LRP1B: variants seen among roughly 807,000 people sequenced by gnomAD.
LRP1B encodes the protein LDL receptor related protein 1B, also known as low-density lipoprotein receptor-related protein 1B.
Under a neutral mutation model 556.6 loss-of-function variants are expected in LRP1B, and 217 were observed. The ratio of observed to expected loss-of-function variants is 0.39; its 90% CI spans 0.35 to 0.44. LRP1B has a LOEUF of 0.44. Ranked by LOEUF, LRP1B falls within the 20% of genes least tolerant of loss-of-function variation. LRP1B has a pLI of 1.00. For missense variants in LRP1B, 5,053 were observed against 5,620.8 expected (o/e 0.90, Z 3.23); for synonymous variants, 2,047 against 1,865.8 (o/e 1.10, Z -2.50).
intron 33 of LRP1B, among the ~76,000 whole-genome samples, chr2:140,771,478 C>T (rs924145115): frequency 6.6e-6 from 1 of 152,056 alleles, no homozygotes; most frequent in Non-Finnish European, 1.5e-5. Flanking sequence ...TATATGTATT[C>T]AATTAATTTT....
chr2:141,413,718 C>CA (rs1304852120), intron 3 of LRP1B, among the ~76,000 whole-genome samples: 2 of 150,624 alleles, frequency 1.3e-5, no homozygotes, highest in African/African-American at 2.5e-5. Flanking sequence ...TATTATTGTA[C>CA]AAAAAATGCA....
intron 2 of LRP1B, among the ~76,000 whole-genome samples, chr2:141,781,468 C>G (rs541655604): frequency 1.3e-5 from 2 of 152,162 alleles, no homozygotes; most frequent in Admixed American, 1.3e-4. Context: ...CTTCTGTGGC[C>G]AAAATTGAAA....
In LRP1B at chr2:140,487,749, A is replaced by G. The variant is rs757788758; in HGVS notation, c.9121-10T>C. On this transcript the variant is annotated splice_polypyrimidine_tract_variant and intron_variant, in intron 57 of 90. Coordinates refer to ENST00000389484, the MANE Select transcript of LRP1B (RefSeq NM_018557.3). ...TAACATTGTTTAATCCCTGAAAATA[A>G]AAAAGACTATGTTGTCAATGATAGT... is the stretch of plus-strand genomic sequence containing the variant. The G allele has an allele frequency of 8.0e-6, 12 of 1,495,976 alleles. No individual in the cohort carries two copies. The African/African-American group carries it at 1.6e-4, about 19-fold the overall frequency. 92.7% of individuals were successfully genotyped at this position (1,495,976 alleles called of 1,614,324 possible). A position where few individuals can be genotyped will look rare whatever the true frequency, so the allele number is the denominator to read the frequency against.
At chr2:142,047,540 T>C (rs1704304367) in intron 1 of LRP1B, among the ~76,000 whole-genome samples, 1 of 151,890 alleles carries the variant, frequency 6.6e-6, no homozygotes, top group Admixed American at 6.6e-5. Flanking sequence ...TTTTTAAAGA[T>C]TTAATGTCAG....
intron 66 of LRP1B, among the ~76,000 whole-genome samples, chr2:140,402,556 A>G (rs545403838): frequency 6.6e-6 from 1 of 152,306 alleles, no homozygotes; most frequent in South Asian, 2.1e-4. Context: ...TCCTACAGAG[A>G]AAAAGAGGTG....
intron 2 of LRP1B, among the ~76,000 whole-genome samples, chr2:141,538,691 C>T (rs1259111036): frequency 6.7e-6 from 1 of 150,172 alleles, no homozygotes; most frequent in Non-Finnish European, 1.5e-5. Context: ...GGCTGGAGTG[C>T]AGCAGCACAA....
At chr2:140,471,359 G>C (rs1687759882) in intron 60 of LRP1B, among the ~76,000 whole-genome samples, 1 of 152,104 alleles carries the variant, frequency 6.6e-6, no homozygotes, top group Non-Finnish European at 1.5e-5. Context: ...CACCAAAATA[G>C]AGCATCATAA....
Position 140,868,341 on chromosome 2 carries a change from A to G in LRP1B, c.4170-78T>C, listed in dbSNP as rs1195258023. On this transcript the variant is annotated intron_variant, in intron 25 of 90. Coordinates refer to ENST00000389484, the MANE Select transcript of LRP1B (RefSeq NM_018557.3). Reference sequence around the variant, plus strand: ...CACAGATATTTATTGAGTGCCTACCATATGCTAGGCACTGGATAGGTGATA... The same window carrying G: ...CACAGATATTTATTGAGTGCCTACCGTATGCTAGGCACTGGATAGGTGATA... The G allele has an allele frequency of 3.0e-6, 4 of 1,331,970 alleles. No homozygotes were observed. In the East Asian group the frequency reaches 1.0e-4, roughly 34 times the overall value. The allele number at this position is 1,331,970 out of a possible 1,614,324, so 82.5% of individuals were successfully genotyped here.
intron 66 of LRP1B, among the ~76,000 whole-genome samples, chr2:140,436,236 A>T (rs1224877528): frequency 2.0e-5 from 3 of 152,180 alleles, no homozygotes; most frequent in Non-Finnish European, 4.4e-5. Context: ...TTTGTAGAAA[A>T]ATATACTTAT....
rs1054598295 is a variant in LRP1B at position 141,282,400 on chromosome 2, T to C, written c.344-27759A>G. Among the ~76,000 whole-genome samples, 6 of 151,442 alleles carry C rather than the reference T, an allele frequency of 4.0e-5. No homozygotes were observed. In the Admixed American group the frequency reaches 4.0e-4, roughly 10 times the overall value. The stretch of plus-strand genomic sequence containing the variant: ...CATAATTCATAATTTTTTAAAAAAA[T>C]CAATTATGATAAAAGTTCTATGAGC... On this transcript the variant is annotated intron_variant, in intron 3 of 90. Transcript: ENST00000389484.
chr2:141,676,604 T>C (rs563254172), intron 2 of LRP1B, among the ~76,000 whole-genome samples: 1 of 152,316 alleles, frequency 6.6e-6, no homozygotes, highest in South Asian at 2.1e-4. Flanking sequence ...AGCACATTGA[T>C]TTTTCTTTCT....
intron 20 of LRP1B, among the ~76,000 whole-genome samples, chr2:140,927,384 T>C (rs1045416452): frequency 1.3e-5 from 2 of 152,152 alleles, no homozygotes; most frequent in African/African-American, 2.4e-5. Context: ...ACGCACATGA[T>C]AAGTAGCAGA....
At chr2:140,233,480 T>A (rs1208197130) in intron 90 of LRP1B, among the ~76,000 whole-genome samples, 154 bp from the exon 91 acceptor site, 1 of 151,334 alleles carries the variant, frequency 6.6e-6, no homozygotes, top group African/African-American at 2.4e-5. Flanking sequence ...ATTTACATGT[T>A]ACATTTACAG....
At chr2:140,970,575 C>T (rs1696381488) in intron 18 of LRP1B, among the ~76,000 whole-genome samples, 1 of 152,064 alleles carries the variant, frequency 6.6e-6, no homozygotes, top group African/African-American at 2.4e-5. Flanking sequence ...GAGCTACGTT[C>T]CTCAGTTGGA....
At position 140,373,103 on chromosome 2, in the gene LRP1B, A is replaced by C. The variant is rs994897547; in HGVS notation, c.10673T>G (p.Phe3558Cys). The change falls in exon 69 of 91, where the codon TTC becomes TGC. Residue 3558 changes from phenylalanine to cysteine, a missense_variant. This residue lies in a region of LRP1B where 599 missense variants were observed against 648.4 expected (regional missense o/e 0.92). Transcript: ENST00000389484. ...TATACACTGACCATTGGAACACCGGAACTGATCTTTGGAACAACTTGTCTC... is the reference window on the plus strand; with the variant it reads ...TATACACTGACCATTGGAACACCGGCACTGATCTTTGGAACAACTTGTCTC... ...NCETSCSKDQ[F>C]RCSNGQCIPA... The C allele has an allele frequency of 6.2e-7, 1 of 1,613,148 alleles. No homozygotes were observed. The highest frequency in any genetic ancestry group is 1.3e-5 in the African/African-American group (1 of 74,858).
chr2:141,113,600 T>C (rs768914003), intron 7 of LRP1B, among the ~76,000 whole-genome samples: 5 of 152,082 alleles, frequency 3.3e-5, no homozygotes, highest in Admixed American at 2.0e-4. Context: ...TTTGAAAGGG[T>C]TTTATTATTA....
At chr2:141,043,215 ATAAAATAAAT>A (rs1230761536) in intron 11 of LRP1B, among the ~76,000 whole-genome samples, 6 of 19,280 alleles carry the variant, frequency 3.1e-4, no homozygotes, top group East Asian at 0.02. Flanking sequence ...AAAAAATAAA[ATAAAATAAAT>A]TAAAATAAAT....
chr2:140,579,673 C>T (rs899842357), intron 43 of LRP1B, among the ~76,000 whole-genome samples: 1 of 152,102 alleles, frequency 6.6e-6, no homozygotes, highest in Non-Finnish European at 1.5e-5. Context: ...ATAACCCCAT[C>T]TCTACTAAAA....
At chr2:140,395,810 C>T (rs1189982245) in intron 66 of LRP1B, among the ~76,000 whole-genome samples, 2 of 152,154 alleles carry the variant, frequency 1.3e-5, no homozygotes, top group Non-Finnish European at 2.9e-5. Flanking sequence ...TTTGAATTCA[C>T]ATTATGCAGT....
Sources: gnomAD v4.1 joint callset for allele counts (sites outside exome capture counted in the v4.1 genomes callset) on GRCh38, gnomAD v4.1.1 for gene constraint, gnomAD v4.1.1 regional missense constraint, MANE v1.5 for transcripts, NCBI Gene and HGNC (gene_info 2026-07-23, HGNC 2026-07-21) for gene names.